Variants in PLAC1 observed in about 807,000 individuals in gnomAD.
PLAC1 encodes placenta associated 1, also known as placenta-specific protein 1.
For synonymous variants in PLAC1, 68 were observed against 62.1 expected (o/e 1.09, Z -0.44); for missense variants, 136 against 163.2 (o/e 0.83, Z 0.91).
At chrX:134,585,848 G>A (rs1020591471) in intron 2 of PLAC1, among the ~76,000 whole-genome samples, 9 of 111,645 alleles carry the variant, frequency 8.1e-5, no homozygotes, top group African/African-American at 2.9e-4. Context: ...GACATCAGAT[G>A]TACAAGGAGT....
At chrX:134,659,911 G>A (rs1326744608), upstream of PLAC1, among the ~76,000 whole-genome samples, 1 of 111,364 alleles carries the variant, frequency 9.0e-6, no homozygotes, top group Non-Finnish European at 1.9e-5. Context: ...TCAAACCCAG[G>A]TGGTATATAG....
chrX:134,761,619 G>A (rs2078770216), intron 1 of PLAC1, among the ~76,000 whole-genome samples: 1 of 112,004 alleles, frequency 8.9e-6, no homozygotes, highest in African/African-American at 3.2e-5. Flanking sequence ...TTCTGAGAAA[G>A]GATCTGATGG....
At chrX:134,590,595 G>A (rs2078033972) in intron 2 of PLAC1, among the ~76,000 whole-genome samples, 1 of 111,695 alleles carries the variant, frequency 9.0e-6, no homozygotes, top group Admixed American at 9.5e-5. Context: ...CTCGGGATCT[G>A]GCAAGGCCTC....
At chrX:134,714,414 C>T (rs2078637431) in intron 2 of PLAC1, among the ~76,000 whole-genome samples, 1 of 110,061 alleles carries the variant, frequency 9.1e-6, no homozygotes, top group Admixed American at 9.7e-5. Context: ...TGGCTTTCAC[C>T]AGGGCACTAA....
intron 2 of PLAC1, among the ~76,000 whole-genome samples, chrX:134,571,169 A>T (rs1293368000): frequency 8.9e-6 from 1 of 112,148 alleles, no homozygotes; most frequent in African/African-American, 3.2e-5. Flanking sequence ...AAGAGCTGCC[A>T]CTTAACTCCC....
chrX:134,762,932 T>G (rs1855646281), intron 1 of PLAC1, among the ~76,000 whole-genome samples: 2 of 109,905 alleles, frequency 1.8e-5, no homozygotes, highest in South Asian at 7.8e-4. Context: ...GGGGAGTATT[T>G]TTTTACTTTG....
intron 2 of PLAC1, among the ~76,000 whole-genome samples, chrX:134,580,114 G>A (rs938430163): frequency 1.8e-5 from 2 of 112,303 alleles, no homozygotes; most frequent in Non-Finnish European, 3.8e-5. Flanking sequence ...TATACAAAGA[G>A]CAACAACTTT....
chrX:134,689,699 T>C (rs1171401959), intron 2 of PLAC1, among the ~76,000 whole-genome samples: 1 of 111,943 alleles, frequency 8.9e-6, no homozygotes, highest in Non-Finnish European at 1.9e-5. Flanking sequence ...CTCTGAGCCT[T>C]GGTGCCCTCC....
intron 2 of PLAC1, among the ~76,000 whole-genome samples, chrX:134,680,462 C>A (rs963056290): frequency 2.7e-5 from 3 of 110,720 alleles, no homozygotes; most frequent in Admixed American, 9.7e-5. Flanking sequence ...AGGGTCCTGC[C>A]TGAAATACTG....
At chrX:134,749,716 C>T (rs1275461026) in intron 1 of PLAC1, among the ~76,000 whole-genome samples, 5 of 112,228 alleles carry the variant, frequency 4.5e-5, no homozygotes, top group Non-Finnish European at 9.4e-5. Context: ...GTTTCCATTT[C>T]TATCTGCTCA....
chrX:134,668,324 T>TG (rs1467744141), intron 2 of PLAC1, among the ~76,000 whole-genome samples: 5 of 111,181 alleles, frequency 4.5e-5, no homozygotes, highest in African/African-American at 6.6e-5. Flanking sequence ...GAGGATGGAG[T>TG]GGGGAGAGAA....
intron 1 of PLAC1, among the ~76,000 whole-genome samples, chrX:134,739,108 T>C (rs1370347840): frequency 8.9e-6 from 1 of 112,132 alleles, no homozygotes; most frequent in Non-Finnish European, 1.9e-5. Flanking sequence ...CAAACATGAT[T>C]TTTTAAGACT....
intron 2 of PLAC1, among the ~76,000 whole-genome samples, chrX:134,677,076 C>T (rs1602900313): frequency 1.8e-5 from 2 of 112,162 alleles, no homozygotes; most frequent in East Asian, 2.8e-4. Context: ...TTTGTGGGCC[C>T]GCCCCAGGAG....
chrX:134,580,490 G>A (rs968925820), intron 2 of PLAC1, among the ~76,000 whole-genome samples: 4 of 112,066 alleles, frequency 3.6e-5, no homozygotes, highest in Admixed American at 1.9e-4. Flanking sequence ...AAGCCAGAAC[G>A]AGAAGCTTCT....
At chrX:134,684,507 A>G (rs1176473436) in intron 2 of PLAC1, among the ~76,000 whole-genome samples, 1 of 109,499 alleles carries the variant, frequency 9.1e-6, no homozygotes, top group Non-Finnish European at 1.9e-5. Context: ...CAGTATTTTC[A>G]TACTTACATC....
rs11317429 is a variant in PLAC1, at chrX:134,621,444, CAAAAAAAAAA to C, written c.-130-19332_-130-19323del. Among the ~76,000 whole-genome samples the C allele has an allele frequency of 1.2e-4, 4 of 33,854 alleles. 1 individual carries two copies. Among genetic ancestry groups the C allele is most frequent in the Non-Finnish European group, 1.9e-4 (4 of 20,779 alleles). The allele number at this position is 33,854 out of a possible 115,157, so 29.4% of individuals were successfully genotyped here. ...CCGGGCAACAGAGCAGGCTCTGTCT[CAAAAAAAAAA>C]AAAAAAAAAAAAAAAAAAAGAAAAG... is the stretch of plus-strand genomic sequence containing the variant. On this transcript the variant is annotated intron_variant, in intron 1 of 2. Transcript: ENST00000359237.
intron 2 of PLAC1, among the ~76,000 whole-genome samples, chrX:134,676,077 A>C (rs1324964298): frequency 8.9e-6 from 1 of 112,407 alleles, no homozygotes; most frequent in Non-Finnish European, 1.9e-5. Flanking sequence ...AATGAAAAGT[A>C]ATGGAAAAAG....
At chrX:134,587,359 C>T (rs1304078392) in intron 2 of PLAC1, among the ~76,000 whole-genome samples, 1 of 109,625 alleles carries the variant, frequency 9.1e-6, no homozygotes, top group Non-Finnish European at 1.9e-5. Context: ...GAGTTTGAGA[C>T]CAGCTTGGGC....
intron 1 of PLAC1, among the ~76,000 whole-genome samples, chrX:134,612,365 A>G (rs945750872): frequency 2.7e-5 from 3 of 112,395 alleles, no homozygotes. Context: ...CGTTTAGCAC[A>G]GTGCCGGACA....
Sources: gnomAD v4.1 joint callset for allele counts (sites outside exome capture counted in the v4.1 genomes callset) on GRCh38, gnomAD v4.1.1 for gene constraint, MANE v1.5 for transcripts, NCBI Gene and HGNC (gene_info 2026-07-23, HGNC 2026-07-21) for gene names.